Variants in ITIH4 observed in about 807,000 individuals in gnomAD.
ITIH4 encodes the protein inter-alpha-trypsin inhibitor heavy chain 4.
ITIH4 carries 79 observed loss-of-function variants against 111.8 expected under a neutral mutation model. The observed-to-expected ratio is 0.71, with a 90% CI of 0.59 to 0.85. The LOEUF (loss-of-function observed/expected upper bound fraction) is 0.85, where lower values mean the gene tolerates loss of function less well. Ranked by LOEUF, ITIH4 falls within the 40% of genes least tolerant of loss-of-function variation. ITIH4 has a pLI of 0.00. For synonymous variants in ITIH4, 472 were observed against 468.3 expected (o/e 1.01, Z -0.10); for missense variants, 1,065 against 1,195.8 (o/e 0.89, Z 1.61).
At chr3:52,818,703 G>A (rs139739758) in intron 17 of ITIH4, 167 bp from the exon 18 acceptor site, 1 of 643,868 alleles carries the variant, frequency 1.6e-6, no homozygotes, top group East Asian at 2.8e-5. Context: ...ATGCTGTCAG[G>A]GATAGGTCCA....
At chr3:52,820,347 AG>A in intron 13 of ITIH4, 30 bp from the exon 14 acceptor site, 2 of 1,606,826 alleles carry the variant, frequency 1.2e-6, no homozygotes, top group Non-Finnish European at 1.7e-6. Flanking sequence ...AGAGAGAGAC[AG>A]ACAGACAGAG....
At chr3:52,819,544 C>G in intron 16 of ITIH4, 26 bp from the exon 17 acceptor site, 1 of 1,613,816 alleles carries the variant, frequency 6.2e-7, no homozygotes, top group East Asian at 2.2e-5. Flanking sequence ...CAGATGCAGT[C>G]TTCTCTCAGG....
chr3:52,824,731 C>A lies in ITIH4; in HGVS notation c.876+111G>T, dbSNP rs1700456090. On this transcript the variant is annotated intron_variant, in intron 7 of 23. Coordinates refer to ENST00000266041, the MANE Select transcript of ITIH4 (RefSeq NM_002218.5). This position sits in a 1 kb window ranked among gnomAD's most constrained non-coding sequence, Gnocchi z 4.3. ...GCCAACCTTGGTTCCTGAGAGCCACCCGCCCCATGGTGCCGAAAGGTGAAG... is the reference window on the plus strand; with the variant it reads ...GCCAACCTTGGTTCCTGAGAGCCACACGCCCCATGGTGCCGAAAGGTGAAG... 2 of 1,240,192 alleles carry A rather than the reference C, an allele frequency of 1.6e-6. No homozygotes were observed. Among genetic ancestry groups the A allele is most frequent in the African/African-American group, 3.0e-5 (2 of 66,524 alleles). The allele number at this position is 1,240,192 out of a possible 1,614,324, so 76.8% of individuals were successfully genotyped here.
chr3:52,825,471 G>A (rs953854883), intron 6 of ITIH4, among the ~76,000 whole-genome samples: 1 of 151,172 alleles, frequency 6.6e-6, no homozygotes, highest in Non-Finnish European at 1.5e-5. Context: ...GGTGGTGCAC[G>A]CCTGTAGTCC....
At position 52,824,768 on chromosome 3, in the gene ITIH4, G is replaced by C; in HGVS notation, c.876+74C>G. The C allele has an allele frequency of 7.4e-7, 1 of 1,351,138 alleles. No individual in the cohort carries two copies. Among genetic ancestry groups the C allele is most frequent in the Non-Finnish European group, 1.0e-6 (1 of 967,258 alleles). The allele number at this position is 1,351,138 out of a possible 1,614,324, so 83.7% of individuals were successfully genotyped here. A position where few individuals can be genotyped will look rare whatever the true frequency, so the allele number is the denominator to read the frequency against. ...GCCGAAAGGTGAAGCAAGGGGGTCT[G>C]CCTGCCGGACCACAGCTGATAGCGT... On this transcript the variant is annotated intron_variant, in intron 7 of 23. Transcript: ENST00000266041. The surrounding 1 kb of genome is among the most constrained non-coding windows in gnomAD (Gnocchi z 4.3).
intron 16 of ITIH4, 21 bp from the exon 17 acceptor site, chr3:52,819,539 G>A (rs1700338879): frequency 1.2e-6 from 2 of 1,613,846 alleles, no homozygotes; most frequent in African/African-American, 2.7e-5. Flanking sequence ...ATCGACAGAT[G>A]CAGTCTTCTC....
At chr3:52,819,289 G>C (rs1700330272) in intron 17 of ITIH4, 104 bp downstream of exon 17, 11 of 1,349,022 alleles carry the variant, frequency 8.2e-6, no homozygotes, top group Non-Finnish European at 1.1e-5. Flanking sequence ...AGCCGTCCCT[G>C]GCCTGGCCCT....
At chr3:52,823,334 C>T (rs568617686) in intron 11 of ITIH4, 60 of 564,178 alleles carry the variant, frequency 1.1e-4, no homozygotes, top group Non-Finnish European at 1.7e-4. Flanking sequence ...CCTGCCCTCA[C>T]CTGTGCTTGC....
chr3:52,822,665 G>A (rs1700406323), intron 11 of ITIH4, among the ~76,000 whole-genome samples: 1 of 152,228 alleles, frequency 6.6e-6, no homozygotes, highest in Admixed American at 6.5e-5. Flanking sequence ...TGGCAGAGCT[G>A]GGTTTGAAGC....
chr3:52,820,553 G>A, intron 13 of ITIH4, 78 bp downstream of exon 13: 1 of 1,507,078 alleles, frequency 6.6e-7, no homozygotes, highest in East Asian at 2.3e-5. Context: ...GTCTTGGTCA[G>A]GATGCAGGGA....
At chr3:52,820,904 C>T in intron 12 of ITIH4, 87 bp downstream of exon 12, 1 of 1,551,544 alleles carries the variant, frequency 6.4e-7, no homozygotes, top group Non-Finnish European at 8.7e-7. Flanking sequence ...GATGCCAAGA[C>T]CCCCCTCTCT....
intron 2 of ITIH4, among the ~76,000 whole-genome samples, chr3:52,827,986 C>T (rs754672797): frequency 5.9e-5 from 9 of 152,168 alleles, no homozygotes; most frequent in East Asian, 1.9e-4. Flanking sequence ...GTCAGGACTA[C>T]GCGTCCCTCC....
rs371203326 is a variant in ITIH4 at position 52,824,155 on chromosome 3, G to A, written c.1171+35C>T. Reference sequence around the variant, plus strand: ...GTGCAGCCCCAGCCGCCTCCCCTGTGCAGCACGTCCTGGAGTCACGGGCAG... The same window carrying A: ...GTGCAGCCCCAGCCGCCTCCCCTGTACAGCACGTCCTGGAGTCACGGGCAG... On this transcript the variant is annotated intron_variant, in intron 9 of 23. Coordinates refer to ENST00000266041, the MANE Select transcript of ITIH4 (RefSeq NM_002218.5). The surrounding 1 kb of genome is among the most constrained non-coding windows in gnomAD (Gnocchi z 4.3). 12 of 1,609,072 alleles carry A rather than the reference G, an allele frequency of 7.5e-6. No homozygotes were observed. Among genetic ancestry groups the A allele is most frequent in the Non-Finnish European group, 1.0e-5 (12 of 1,176,958 alleles).
At chr3:52,827,041 A>AG (rs1200437994) in intron 3 of ITIH4, 52 bp downstream of exon 3, 3 of 1,611,460 alleles carry the variant, frequency 1.9e-6, no homozygotes, top group Non-Finnish European at 2.5e-6. Context: ...GCCAAAGGCA[A>AG]GGTGGCCTTT....
rs78150596 is a variant in ITIH4 at position 52,819,922 on chromosome 3, C to A, written c.1912+18G>T. 8.1e-6 allele frequency: 13 copies of A among 1,612,830 alleles called. No homozygotes were observed. The highest frequency in any genetic ancestry group is 1.7e-5 in the Admixed American group (1 of 60,010). Reference sequence around the variant, plus strand: ...CCAATCTGTCAATCTCCCCTCCCCCCACCTCCTACTTTGTCACCTGGTTTT... The same window carrying A: ...CCAATCTGTCAATCTCCCCTCCCCCAACCTCCTACTTTGTCACCTGGTTTT... On this transcript the variant is annotated intron_variant, in intron 15 of 23. Transcript: ENST00000266041.
intron 1 of ITIH4, 142 bp downstream of exon 1, chr3:52,830,411 C>A (rs747259887): frequency 2.5e-6 from 2 of 792,212 alleles, no homozygotes; most frequent in Non-Finnish European, 4.5e-6. Context: ...TAGTGCCTGG[C>A]GGGAGGTCTG....
rs1261801167 is a variant in ITIH4 at position 52,823,816 on chromosome 3, C to A, written c.1353+7G>T. On this transcript the variant is annotated splice_region_variant and intron_variant, in intron 10 of 23. Transcript: ENST00000266041. ...CTCTGTGCAGCCCACCTGGGGCACACTGGCACCTGGAGCTGCAGGGCAGAG... is the reference window on the plus strand; with the variant it reads ...CTCTGTGCAGCCCACCTGGGGCACAATGGCACCTGGAGCTGCAGGGCAGAG... 1.9e-6 allele frequency: 3 copies of A among 1,613,874 alleles called. No individual in the cohort carries two copies. Among genetic ancestry groups the A allele is most frequent in the South Asian group, 1.1e-5 (1 of 91,062 alleles).
chr3:52,826,095 G>A (rs1025706961), intron 5 of ITIH4, 81 bp from the exon 6 acceptor site: 1 of 1,563,410 alleles, frequency 6.4e-7, no homozygotes, highest in Non-Finnish European at 8.7e-7. Flanking sequence ...CTGTATATTG[G>A]GAAATCAGAA....
In ITIH4 at chr3:52,816,992, T is replaced by C. The variant is rs1368934404; in HGVS notation, c.2363A>G (p.Lys788Arg). ...AGFSWIEVTF[K>R]NPLVWVHASP... Reference sequence around the variant, plus strand: ...TGCGTGAACCCATACCAGGGGGTTCTTGAAGGTCACTTCGATCCATGAGAA... The same window carrying C: ...TGCGTGAACCCATACCAGGGGGTTCCTGAAGGTCACTTCGATCCATGAGAA... The change falls in exon 21 of 24, where the codon AAG (lysine) becomes AGG (arginine). Residue 788 changes from lysine to arginine, a missense_variant. Physicochemically the swap from Lys to Arg is conservative, Grantham distance 26. Coordinates refer to ENST00000266041, the MANE Select transcript of ITIH4 (RefSeq NM_002218.5). The C allele has an allele frequency of 5.0e-6, 8 of 1,613,908 alleles. No homozygotes were observed. Among genetic ancestry groups the C allele is most frequent in the African/African-American group, 1.3e-5 (1 of 74,938 alleles).
Sources: allele counts gnomAD v4.1 joint callset (sites outside exome capture counted in the v4.1 genomes callset), GRCh38; gene constraint gnomAD v4.1.1; non-coding constraint Gnocchi (gnomAD v3.1); transcripts MANE v1.5; gene names NCBI Gene and HGNC (gene_info 2026-07-23, HGNC 2026-07-21).